The following LDHC variants were observed in gnomAD, a reference collection of about 807,000 sequenced individuals.
The protein encoded by LDHC is L-lactate dehydrogenase C chain.
A neutral mutation model predicts 30.2 loss-of-function variants in LDHC; 20 were observed. The observed-to-expected ratio is 0.66, with a 90% CI of 0.47 to 0.96. The LOEUF (loss-of-function observed/expected upper bound fraction) is 0.96. LDHC is among the 40% of genes least tolerant of loss of function. LDHC has a pLI of 0.00. For synonymous variants in LDHC, 139 were observed against 132.7 expected (o/e 1.05, Z -0.32); for missense variants, 362 against 394.9 (o/e 0.92, Z 0.71).
intron 3 of LDHC, among the ~76,000 whole-genome samples, chr11:18,425,017 A>G (rs1490688330): frequency 1.3e-5 from 2 of 152,202 alleles, no homozygotes; most frequent in Admixed American, 1.3e-4. Context: ...AAACAAAACA[A>G]ATAAAAAAAC....
At chr11:18,441,785 G>A (rs1848470822) in intron 6 of LDHC, among the ~76,000 whole-genome samples, 3 of 152,174 alleles carry the variant, frequency 2.0e-5, no homozygotes, top group South Asian at 4.1e-4. Flanking sequence ...GGTGGCGGGC[G>A]CCTGTAATCC....
intron 5 of LDHC, among the ~76,000 whole-genome samples, chr11:18,435,117 C>T (rs1462468616): frequency 2.6e-5 from 4 of 152,134 alleles, no homozygotes. Context: ...GTCCACAAAG[C>T]ATATAGCTGT....
At chr11:18,417,008 C>T (rs1479742048) in intron 3 of LDHC, among the ~76,000 whole-genome samples, 6 of 152,236 alleles carry the variant, frequency 3.9e-5, no homozygotes, top group Admixed American at 6.5e-5. Context: ...CTCAGCCTCC[C>T]AAGTAGCTGG....
intron 3 of LDHC, among the ~76,000 whole-genome samples, 184 bp downstream of exon 3, chr11:18,415,485 G>T (rs1866994605): frequency 6.6e-6 from 1 of 152,066 alleles, no homozygotes; most frequent in Non-Finnish European, 1.5e-5. Flanking sequence ...AGATTAGAGT[G>T]CAGTGGCGCG....
At chr11:18,429,977 C>A in intron 4 of LDHC, 67 bp downstream of exon 4, 1 of 966,520 alleles carries the variant, frequency 1.0e-6, no homozygotes, top group Non-Finnish European at 1.6e-6. Flanking sequence ...TTAAAAGAAT[C>A]AACTTCATTG....
At chr11:18,414,298 G>T (rs747259414) in intron 2 of LDHC, among the ~76,000 whole-genome samples, 17 of 152,114 alleles carry the variant, frequency 1.1e-4, no homozygotes, top group Non-Finnish European at 2.1e-4. Context: ...CAATTGGCTA[G>T]GTCTGGTTTT....
intron 3 of LDHC, among the ~76,000 whole-genome samples, chr11:18,428,612 C>T (rs1463043488): frequency 1.3e-5 from 2 of 152,066 alleles, no homozygotes; most frequent in African/African-American, 2.4e-5. Context: ...TGGTAGCTCA[C>T]GCCTGTAATC....
In LDHC at chr11:18,418,627, A is replaced by G. The variant is rs149521586; in HGVS notation, c.244+3326A>G. Among the ~76,000 whole-genome samples, 558 of 151,908 alleles carry G rather than the reference A, an allele frequency of 3.7e-3. 8 individuals are homozygous for G. The highest frequency in any genetic ancestry group is 0.013 in the African/African-American group (539 of 41,388). ...TTTTTAGTAGAGACGGGGTTTCACC[A>G]TGTTGGCCAGGCTGGTCTCGAATGC... On this transcript the variant is annotated intron_variant, in intron 3 of 7. Transcript: ENST00000541669.
chr11:18,412,535 G>C, intron 1 of LDHC, 127 bp downstream of exon 1: 1 of 556,996 alleles, frequency 1.8e-6, no homozygotes, highest in Admixed American at 3.3e-5. Context: ...TGGTGCCCCA[G>C]CCCTCCCATT....
chr11:18,439,831 A>AAAC (rs1848430778), intron 6 of LDHC, among the ~76,000 whole-genome samples: 1 of 142,264 alleles, frequency 7.0e-6, no homozygotes, highest in Non-Finnish European at 1.5e-5. Context: ...AAAAAAAAAA[A>AAAC]AAAAACAAAA....
intron 6 of LDHC, among the ~76,000 whole-genome samples, chr11:18,443,054 T>C (rs981640054): frequency 2.0e-5 from 3 of 152,248 alleles, no homozygotes; most frequent in African/African-American, 7.2e-5. Context: ...TTGAAAATCA[T>C]TATTGGTATG....
At position 18,450,978 on chromosome 11, in the gene LDHC, A is replaced by G. The variant is rs117703340; in HGVS notation, c.850A>G (p.Lys284Glu). ...STMVKGLYGI[K>E]EELFLSIPCV... Reference sequence around the variant, plus strand: ...TGCCTTTCAGGGATTATATGGAATAAAAGAAGAACTCTTTCTCAGTATCCC... The same window carrying G: ...TGCCTTTCAGGGATTATATGGAATAGAAGAAGAACTCTTTCTCAGTATCCC... The change falls in exon 8 of 8, where the codon AAA (lysine) becomes GAA (glutamate). Residue 284 changes from lysine (K) to glutamate (E), a missense_variant. Transcript: ENST00000541669. 2,177 of 1,588,926 alleles carry G rather than the reference A, an allele frequency of 1.4e-3. 2 individuals are homozygous for G. Among genetic ancestry groups the G allele is most frequent in the Middle Eastern group, 1.8e-3 (11 of 6,026 alleles).
At position 18,451,844 on chromosome 11, in the gene LDHC, T is replaced by G. The variant is rs552819895; in HGVS notation, c.*717T>G. ...TCTGTAGTCCAGCTACTTGGGAGAC[T>G]GAGACCAGTAGATAACTTGAGCCCA... On this transcript the variant is annotated 3_prime_UTR_variant, in exon 8 of 8. Transcript: ENST00000541669. 2.6e-5 allele frequency: 4 copies of G among 152,130 alleles called. No individual in the cohort carries two copies. In the East Asian group the frequency reaches 7.8e-4, roughly 29 times the overall value. 9.4% of individuals were successfully genotyped at this position (152,130 alleles called of 1,614,324 possible). A position where few individuals can be genotyped will look rare whatever the true frequency, so the allele number is the denominator to read the frequency against.
At chr11:18,437,481 G>A (rs912755076) in intron 5 of LDHC, among the ~76,000 whole-genome samples, 4 of 151,588 alleles carry the variant, frequency 2.6e-5, no homozygotes, top group South Asian at 2.1e-4. Context: ...GGCCGGGCAC[G>A]GTGGCTCACG....
Position 18,424,372 on chromosome 11 carries a change from ACT to A in LDHC, c.245-5362_245-5361del, listed in dbSNP as rs549704323. On this transcript the variant is annotated intron_variant, in intron 3 of 7. Coordinates refer to ENST00000541669, the MANE Select transcript of LDHC (RefSeq NM_017448.5). Reference sequence around the variant, plus strand: ...ACTCCAGCCTGGGCCATGGAATGAAACTCTGTCTCAAAAAAAAACAAAAAAAC... The same window carrying A: ...ACTCCAGCCTGGGCCATGGAATGAAACTGTCTCAAAAAAAAACAAAAAAAC... 3.1e-4 allele frequency among the ~76,000 whole-genome samples: 47 copies of A among 149,588 alleles called. No individual in the cohort carries two copies. In the East Asian group the frequency reaches 8.4e-3, roughly 27 times the overall value.
chr11:18,422,923 A>C (rs1356620968), intron 3 of LDHC, among the ~76,000 whole-genome samples: 1 of 151,898 alleles, frequency 6.6e-6, no homozygotes, highest in Middle Eastern at 3.4e-3. Context: ...TAGAAGTCAC[A>C]GTGAGCTGAG....
rs1316715794 is a variant in LDHC, at chr11:18,446,326, T to C, written c.827T>C (p.Met276Thr). 1 of 1,604,262 alleles carries C rather than the reference T, an allele frequency of 6.2e-7. No homozygotes were observed. The highest frequency in any genetic ancestry group is 2.2e-5 in the East Asian group (1 of 44,768). Residue 276 changes from methionine (M) to threonine (T), a missense_variant, in exon 7 of 8, where the codon ATG becomes ACG. Met to Thr is a moderately conservative substitution (Grantham distance 81). Transcript: ENST00000541669. ...NLRRVHPVST[M>T]VKGLYGIKEE... The stretch of plus-strand genomic sequence containing the variant: ...AGGAGAGTGCACCCAGTTTCCACCA[T>C]GGTTAAGGTAGGCTTAAATTAAATC...
chr11:18,434,742 G>T lies in LDHC; in HGVS notation c.421G>T (p.Asp141Tyr). The change falls in exon 5 of 8, where the codon GAT (aspartate) becomes TAT (tyrosine). Residue 141 changes from aspartate (D) to tyrosine (Y), a missense_variant and splice_region_variant. Coordinates refer to ENST00000541669, the MANE Select transcript of LDHC (RefSeq NM_017448.5). ...TAACACAAAATTTTTCTTCTTAGTGGATATTTTGACATATATAGTCTGGAA... is the reference window on the plus strand; with the variant it reads ...TAACACAAAATTTTTCTTCTTAGTGTATATTTTGACATATATAGTCTGGAA... ...CKILVVSNPV[D>Y]ILTYIVWKIS... 6.4e-7 allele frequency: 1 copy of T among 1,572,298 alleles called. No homozygotes were observed. Among genetic ancestry groups the T allele is most frequent in the Non-Finnish European group, 8.7e-7 (1 of 1,155,324 alleles).
chr11:18,446,084 T>C (rs1450630411), intron 6 of LDHC, 126 bp from the exon 7 acceptor site: 1 of 758,446 alleles, frequency 1.3e-6, no homozygotes, highest in Non-Finnish European at 2.1e-6. Context: ...GTAAGAAATC[T>C]ATGGGAAAAT....
Sources: allele counts gnomAD v4.1 joint callset (sites outside exome capture counted in the v4.1 genomes callset), GRCh38; gene constraint gnomAD v4.1.1; transcripts MANE v1.5; gene names NCBI Gene and HGNC (gene_info 2026-07-23, HGNC 2026-07-21).